Variants in ESRRG observed in about 807,000 individuals in gnomAD.
The protein encoded by ESRRG is estrogen-related receptor gamma.
A neutral mutation model predicts 44.0 loss-of-function variants in ESRRG; 13 were observed. The observed-to-expected ratio is 0.30, with a 90% CI of 0.19 to 0.47. The LOEUF (loss-of-function observed/expected upper bound fraction) is 0.47, where lower values mean the gene tolerates loss of function less well. ESRRG is among the 20% of genes least tolerant of loss of function. The pLI, the probability that ESRRG is intolerant of heterozygous loss-of-function variation, is 1.00. For missense variants in ESRRG, 395 were observed against 580.6 expected, an observed-to-expected ratio of 0.68 and a Z score of 3.29; for synonymous variants, 215 against 214.6, an observed-to-expected ratio of 1.00 and a Z score of -0.02.
At chr1:216,840,840 G>C (rs1398747640) in intron 2 of ESRRG, among the ~76,000 whole-genome samples, 1 of 152,150 alleles carries the variant, frequency 6.6e-6, no homozygotes, top group African/African-American at 2.4e-5. Flanking sequence ...TATGGGTATG[G>C]TTTGTGGTCC....
At chr1:216,797,856 G>A (rs1183628350) in intron 2 of ESRRG, among the ~76,000 whole-genome samples, 1 of 152,046 alleles carries the variant, frequency 6.6e-6, no homozygotes, top group Non-Finnish European at 1.5e-5. Context: ...ATTTTATATT[G>A]TACTTTTAGA....
chr1:216,816,409 C>A (rs1037985316), intron 2 of ESRRG, among the ~76,000 whole-genome samples: 1 of 152,210 alleles, frequency 6.6e-6, no homozygotes, highest in Admixed American at 6.5e-5. Flanking sequence ...TAAATATATA[C>A]AATTTTTATT....
At chr1:217,040,571 A>T (rs1282913041) in intron 1 of ESRRG, among the ~76,000 whole-genome samples, 1 of 152,078 alleles carries the variant, frequency 6.6e-6, no homozygotes, top group Non-Finnish European at 1.5e-5. Context: ...TATGCTGATG[A>T]CTGTTTTAGT....
chr1:216,623,649 C>G (rs1185580249), intron 3 of ESRRG, among the ~76,000 whole-genome samples: 1 of 152,098 alleles, frequency 6.6e-6, no homozygotes, highest in Non-Finnish European at 1.5e-5. Flanking sequence ...ATAAGAATAA[C>G]TAGACCATGT....
At chr1:216,762,832 C>T (rs116492782) in intron 2 of ESRRG, among the ~76,000 whole-genome samples, 3,421 of 152,060 alleles carry the variant, frequency 0.022, 56 homozygotes, top group Non-Finnish European at 0.031. Flanking sequence ...CAAAACACTT[C>T]CCCAAAGGAA....
At chr1:216,551,886 G>A (rs1010328715) in intron 5 of ESRRG, among the ~76,000 whole-genome samples, 6 of 152,090 alleles carry the variant, frequency 3.9e-5, no homozygotes, top group Non-Finnish European at 7.3e-5. Context: ...ATCCTTGGCA[G>A]TTGTTCCATC....
intron 3 of ESRRG, among the ~76,000 whole-genome samples, chr1:216,631,108 C>T (rs991301120): frequency 6.6e-6 from 1 of 151,638 alleles, no homozygotes; most frequent in African/African-American, 2.4e-5. Context: ...AATCCTGATA[C>T]TTTTCTATCA....
At chr1:216,870,147 A>C (rs1398362927) in intron 2 of ESRRG, among the ~76,000 whole-genome samples, 3 of 152,022 alleles carry the variant, frequency 2.0e-5, no homozygotes, top group Non-Finnish European at 4.4e-5. Flanking sequence ...TATCAAGATG[A>C]AGAAGTTTCA....
intron 2 of ESRRG, among the ~76,000 whole-genome samples, chr1:216,846,353 G>A (rs2095748862): frequency 6.6e-6 from 1 of 152,032 alleles, no homozygotes; most frequent in African/African-American, 2.4e-5. Flanking sequence ...TTATAAACAA[G>A]GAAACAATAA....
intron 2 of ESRRG, among the ~76,000 whole-genome samples, chr1:216,764,427 C>T (rs188927361): frequency 1.3e-4 from 20 of 151,538 alleles, no homozygotes; most frequent in Admixed American, 3.3e-4. Context: ...CACCACCATG[C>T]CTGGCTAATT....
chr1:216,584,346 C>T (rs1017269788), intron 3 of ESRRG, among the ~76,000 whole-genome samples: 2 of 151,422 alleles, frequency 1.3e-5, no homozygotes, highest in Admixed American at 6.6e-5. Context: ...AGGCTCTGCC[C>T]GCCGGGTTCA....
At chr1:216,720,910 A>G (rs2086121147) in intron 1 of ESRRG, among the ~76,000 whole-genome samples, 1 of 152,130 alleles carries the variant, frequency 6.6e-6, no homozygotes, top group South Asian at 2.1e-4. Context: ...AGCTGTGACA[A>G]CTGTTAAAAC....
At chr1:217,107,408 C>T (rs1352764014) in intron 1 of ESRRG, among the ~76,000 whole-genome samples, 1 of 152,228 alleles carries the variant, frequency 6.6e-6, no homozygotes, top group Non-Finnish European at 1.5e-5. Flanking sequence ...AATCAAATGT[C>T]AGTGCTTCCC....
intron 2 of ESRRG, among the ~76,000 whole-genome samples, chr1:216,813,195 C>T (rs1034848724): frequency 2.0e-5 from 3 of 152,084 alleles, no homozygotes; most frequent in African/African-American, 7.2e-5. Flanking sequence ...CTGTTAAACA[C>T]GTGATATGAT....
intron 2 of ESRRG, among the ~76,000 whole-genome samples, chr1:216,893,489 T>C (rs1292660189): frequency 6.6e-6 from 1 of 152,206 alleles, no homozygotes; most frequent in African/African-American, 2.4e-5. Context: ...AATAATTATG[T>C]TGCTATTAAA....
intron 1 of ESRRG, among the ~76,000 whole-genome samples, chr1:217,018,627 A>G (rs964739249): frequency 2.0e-5 from 3 of 152,172 alleles, no homozygotes; most frequent in African/African-American, 7.2e-5. Context: ...CACAGTGAAT[A>G]TACAAGTCAA....
intron 1 of ESRRG, among the ~76,000 whole-genome samples, chr1:217,101,234 C>A (rs894413047): frequency 6.6e-6 from 1 of 152,204 alleles, no homozygotes; most frequent in South Asian, 2.1e-4. Context: ...CCCTTCCTGA[C>A]CACCTAATCA....
At chr1:216,675,910 A>G (rs1309912038) in intron 2 of ESRRG, among the ~76,000 whole-genome samples, 1 of 152,202 alleles carries the variant, frequency 6.6e-6, no homozygotes, top group African/African-American at 2.4e-5. Flanking sequence ...CCCAAGACCA[A>G]TTAATTCAGA....
At chr1:216,690,006 C>A (rs2078769044) in intron 1 of ESRRG, among the ~76,000 whole-genome samples, 1 of 151,982 alleles carries the variant, frequency 6.6e-6, no homozygotes, top group Non-Finnish European at 1.5e-5. Flanking sequence ...CTGAAAATCA[C>A]ATATGTTGCT....
Sources: gnomAD v4.1 joint callset for allele counts (sites outside exome capture counted in the v4.1 genomes callset) on GRCh38, gnomAD v4.1.1 for gene constraint, MANE v1.5 for transcripts, NCBI Gene and HGNC (gene_info 2026-07-23, HGNC 2026-07-21) for gene names.